The following CFDP1 variants were observed in gnomAD, a reference collection of about 807,000 sequenced individuals.
CFDP1 encodes chromatin remodeling protein CFDP1.
In CFDP1, 31 loss-of-function variants were observed where a neutral mutation model predicts 40.1. The observed-to-expected ratio is 0.77, with a 90% CI of 0.58 to 1.04. The LOEUF (loss-of-function observed/expected upper bound fraction) is 1.04. Among genes scored for constraint, CFDP1 ranks in the 50% least tolerant of loss-of-function variants. The pLI is 0.00. For missense variants in CFDP1, 423 were observed against 343.4 expected (o/e 1.23, Z -1.83); for synonymous variants, 167 against 120.0 (o/e 1.39, Z -2.56).
chr16:75,397,066 A>G (rs1168295370), intron 4 of CFDP1, among the ~76,000 whole-genome samples: 1 of 151,960 alleles, frequency 6.6e-6, no homozygotes, highest in Non-Finnish European at 1.5e-5. Flanking sequence ...GGTGCCCGCC[A>G]CCACGCCCAG....
intron 5 of CFDP1, among the ~76,000 whole-genome samples, chr16:75,343,868 CG>C (rs2078543609): frequency 6.6e-6 from 1 of 152,090 alleles, no homozygotes. Flanking sequence ...GTTGAGTAGA[CG>C]GGGCAATACA....
intron 6 of CFDP1, among the ~76,000 whole-genome samples, chr16:75,296,367 A>T (rs2078182078): frequency 6.6e-6 from 1 of 152,192 alleles, no homozygotes; most frequent in Admixed American, 6.5e-5. Flanking sequence ...CCTCTCAGGT[A>T]GCTGGGACCA....
At chr16:75,298,571 A>G (rs2078200237) in intron 6 of CFDP1, among the ~76,000 whole-genome samples, 1 of 152,238 alleles carries the variant, frequency 6.6e-6, no homozygotes, top group Non-Finnish European at 1.5e-5. Flanking sequence ...TGCATTTTCC[A>G]ACACCACAAA....
Position 75,303,399 on chromosome 16 carries a change from A to ATGT in CFDP1, c.809+1624_809+1625insACA, listed in dbSNP as rs1555552219. ...TAAATAAATAAATAAATAAATAAAT[A>ATGT]AATGTATGTATGTATGTATGTATGT... On this transcript the variant is annotated intron_variant, in intron 6 of 6. Coordinates refer to ENST00000283882, the MANE Select transcript of CFDP1 (RefSeq NM_006324.3). 1.3e-3 allele frequency among the ~76,000 whole-genome samples: 58 copies of ATGT among 45,470 alleles called. 1 individual carries two copies. Among genetic ancestry groups the ATGT allele is most frequent in the Middle Eastern group, 0.011 (1 of 88 alleles). The allele number at this position is 45,470 out of a possible 152,430, so 29.8% of individuals were successfully genotyped here.
In CFDP1 at chr16:75,428,596, G is replaced by C. The variant is rs539159753; in HGVS notation, c.64+4693C>G. ...TGCGCCACTGCACTCCAGCCTGGGTGACAGAGCTATACTCCATCTCAAAAA... is the reference window on the plus strand; with the variant it reads ...TGCGCCACTGCACTCCAGCCTGGGTCACAGAGCTATACTCCATCTCAAAAA... On this transcript the variant is annotated intron_variant, in intron 1 of 6. Transcript: ENST00000283882. 7.3e-5 allele frequency among the ~76,000 whole-genome samples: 11 copies of C among 151,302 alleles called. No individual in the cohort carries two copies. The East Asian group carries it at 2.1e-3, about 30-fold the overall frequency.
Position 75,305,389 on chromosome 16 carries a change from T to C in CFDP1, c.651-207A>G, listed in dbSNP as rs541937091. On this transcript the variant is annotated intron_variant, in intron 5 of 6. Coordinates refer to ENST00000283882, the MANE Select transcript of CFDP1 (RefSeq NM_006324.3). ...GTGCTTTTCCTGCTTAACACCACTG[T>C]CTGCTCTCCTGAGCTACGAACAGGA... 3 of 556,150 alleles carry C rather than the reference T, an allele frequency of 5.4e-6. No homozygotes were observed. In the South Asian group the frequency reaches 6.9e-5, roughly 13 times the overall value. 34.5% of individuals were successfully genotyped at this position (556,150 alleles called of 1,614,324 possible).
chr16:75,329,590 T>C (rs963282051), intron 5 of CFDP1, among the ~76,000 whole-genome samples: 1 of 152,188 alleles, frequency 6.6e-6, no homozygotes, highest in African/African-American at 2.4e-5. Context: ...ACACCTGAGC[T>C]CAAGCAATCC....
intron 5 of CFDP1, among the ~76,000 whole-genome samples, chr16:75,319,748 C>G (rs947933785): frequency 6.6e-6 from 1 of 152,154 alleles, no homozygotes; most frequent in Non-Finnish European, 1.5e-5. Flanking sequence ...CAGCGTTCCC[C>G]CTGTGGTGCC....
chr16:75,392,146 C>T (rs1366478083), intron 5 of CFDP1, among the ~76,000 whole-genome samples: 1 of 152,036 alleles, frequency 6.6e-6, no homozygotes, highest in African/African-American at 2.4e-5. Context: ...TGGCTCATGC[C>T]TGTAATGCCA....
intron 4 of CFDP1, among the ~76,000 whole-genome samples, chr16:75,402,762 C>T (rs113876455): frequency 1.3e-5 from 2 of 151,922 alleles, no homozygotes; most frequent in Non-Finnish European, 2.9e-5. Flanking sequence ...ATTCAGATCT[C>T]GTAAGTCCCC....
At chr16:75,315,720 G>C (rs1184989717) in intron 5 of CFDP1, among the ~76,000 whole-genome samples, 2 of 152,086 alleles carry the variant, frequency 1.3e-5, no homozygotes, top group Non-Finnish European at 2.9e-5. Flanking sequence ...TGGCCGTGTG[G>C]AGCCATTGCA....
intron 6 of CFDP1, among the ~76,000 whole-genome samples, chr16:75,296,829 T>G (rs1295047445): frequency 6.6e-6 from 1 of 152,192 alleles, no homozygotes; most frequent in African/African-American, 2.4e-5. Flanking sequence ...CATCTGCAGC[T>G]GCTAACAGGA....
intron 2 of CFDP1, 147 bp from the exon 3 acceptor site, chr16:75,412,901 T>C (rs1400766792): frequency 1.9e-5 from 10 of 535,220 alleles, no homozygotes; most frequent in Non-Finnish European, 2.9e-5. Flanking sequence ...AGTAGAAGAG[T>C]TAAGCTGAAA....
At chr16:75,322,096 T>C (rs1042712727) in intron 5 of CFDP1, among the ~76,000 whole-genome samples, 8 of 152,220 alleles carry the variant, frequency 5.3e-5, no homozygotes, top group African/African-American at 1.9e-4. Context: ...AGTGCTGGGG[T>C]TACAGGCGTG....
chr16:75,309,159 C>G (rs2078277095), intron 5 of CFDP1, among the ~76,000 whole-genome samples: 1 of 152,232 alleles, frequency 6.6e-6, no homozygotes, highest in South Asian at 2.1e-4. Flanking sequence ...TTGTGGGCTC[C>G]CTCAGGGTTC....
At chr16:75,362,794 T>C (rs763736491) in intron 5 of CFDP1, 11 of 152,216 alleles carry the variant, frequency 7.2e-5, no homozygotes, top group Non-Finnish European at 1.0e-4. Flanking sequence ...TGTTGTTTTA[T>C]ACAGAACAGA....
At chr16:75,411,225 A>AG (rs948381697) in intron 4 of CFDP1, among the ~76,000 whole-genome samples, 4 of 151,976 alleles carry the variant, frequency 2.6e-5, no homozygotes, top group African/African-American at 9.7e-5. Flanking sequence ...CTAAAAAAAA[A>AG]CAAAAACAAA....
chr16:75,329,133 G>A (rs2078426605), intron 5 of CFDP1, among the ~76,000 whole-genome samples: 1 of 151,964 alleles, frequency 6.6e-6, no homozygotes, highest in African/African-American at 2.4e-5. Flanking sequence ...ACAGGCATGA[G>A]AGCCACTGTG....
chr16:75,331,703 T>TGTATCATGG (rs141654756), intron 5 of CFDP1, among the ~76,000 whole-genome samples: 2 of 5,882 alleles, frequency 3.4e-4, no homozygotes, highest in Middle Eastern at 0.17. Context: ...CCATGTTGTG[T>TGTATCATGG]GTTCCTTGTT....
Sources: gnomAD v4.1 joint callset for allele counts (sites outside exome capture counted in the v4.1 genomes callset) on GRCh38, gnomAD v4.1.1 for gene constraint, MANE v1.5 for transcripts, NCBI Gene and HGNC (gene_info 2026-07-23, HGNC 2026-07-21) for gene names.